ABCC11: variants seen among roughly 807,000 people sequenced by gnomAD.
ABCC11 encodes the protein ATP binding cassette subfamily C member 11, also known as ATP-binding cassette sub-family C member 11.
A neutral mutation model predicts 149.3 loss-of-function variants in ABCC11; 135 were observed. That is an observed-to-expected ratio of 0.90 (90% CI 0.79 to 1.04). The LOEUF is 1.04. Ranked by LOEUF, ABCC11 falls within the 50% of genes least tolerant of loss-of-function variation. The pLI is 0.00. For synonymous variants in ABCC11, 665 were observed against 671.4 expected (o/e 0.99, Z 0.15); for missense variants, 1,680 against 1,722.1 (o/e 0.98, Z 0.43).
At chr16:48,201,474 C>CTTTTTTTTTTTTTTTTTT (rs560323114) in intron 14 of ABCC11, among the ~76,000 whole-genome samples, 16 of 123,456 alleles carry the variant, frequency 1.3e-4, no homozygotes, top group African/African-American at 2.5e-4. Flanking sequence ...TTTTCTTTTT[C>CTTTTTTTTTTTTTTTTTT]TTTTTTTTTT....
At chr16:48,243,099 T>A (rs1220989743) in intron 1 of ABCC11, among the ~76,000 whole-genome samples, 1 of 147,200 alleles carries the variant, frequency 6.8e-6, no homozygotes, top group Non-Finnish European at 1.5e-5. Context: ...AGTATCAAGG[T>A]TGTAAAAAAA....
rs530383890 is a variant in ABCC11 at position 48,230,439 on chromosome 16, C to T, written c.234G>A (p.Pro78=). ...CCACCACCCCCATCAGGACTCACCT[C>T]GGCTTGGGACGGAAGGGAATCATGG... ...LRTMIPFRPK[P]RFPAPQPLDN... is the part of the protein sequence containing the mutation. The change falls in exon 3 of 30, where the codon CCG becomes CCA. Residue 78 remains proline, a splice_region_variant and synonymous_variant. Transcript: ENST00000356608. 1.7e-4 allele frequency: 265 copies of T among 1,603,590 alleles called. No individual in the cohort carries two copies. Among genetic ancestry groups the T allele is most frequent in the Non-Finnish European group, 2.2e-4 (256 of 1,175,262 alleles).
chr16:48,211,047 A>C lies in ABCC11; in HGVS notation c.1509T>G (p.Ala503=). 6.2e-7 allele frequency: 1 copy of C among 1,614,182 alleles called. No homozygotes were observed. Among genetic ancestry groups the C allele is most frequent in the Non-Finnish European group, 8.5e-7 (1 of 1,180,028 alleles). Reference sequence around the variant, plus strand: ...CTCTAGGCCTGGTCATCCCCTCAGAAGCATGCCCGTTCCTCTCCAGCTCCA... The same window carrying C: ...CTCTAGGCCTGGTCATCCCCTCAGACGCATGCCCGTTCCTCTCCAGCTCCA... The part of the protein sequence containing the change: ...GALELERNGH[A]SEGMTRPRDA... Residue 503 remains alanine (A), a synonymous_variant, in exon 11 of 30, where the codon GCT becomes GCG. Transcript: ENST00000356608.
chr16:48,184,693 A>G, intron 22 of ABCC11, 67 bp from the exon 23 acceptor site: 1 of 1,506,998 alleles, frequency 6.6e-7, no homozygotes. Context: ...GGGTCAGGGT[A>G]GATACCGGCT....
In ABCC11 at chr16:48,184,573, G is replaced by A. The variant is rs780258264; in HGVS notation, c.3125C>T (p.Ser1042Phe). Residue 1042 changes from serine (S) to phenylalanine (F), a missense_variant, in exon 23 of 30, where the codon TCC becomes TTC. By Grantham distance (155) the Ser-to-Phe change is radical. Coordinates refer to ENST00000356608, the MANE Select transcript of ABCC11 (RefSeq NM_001370497.1). ...QNNYLLLFLS[S>F]TRWMALRLEI... The stretch of plus-strand genomic sequence containing the variant: ...CAGCCTCAATGCCATCCATCGTGTG[G>A]AAGATAGAAACAACAGCAGGTAGTT... 1 of 1,614,252 alleles carries A rather than the reference G, an allele frequency of 6.2e-7. No individual in the cohort carries two copies. Among genetic ancestry groups the A allele is most frequent in the South Asian group, 1.1e-5 (1 of 91,082 alleles).
chr16:48,244,723 C>T (rs889322863), intron 1 of ABCC11: 2 of 796,188 alleles, frequency 2.5e-6, no homozygotes, highest in Non-Finnish European at 3.5e-6. Flanking sequence ...CAGTTCGGGG[C>T]GGCCTTCGCG....
At chr16:48,236,805 T>C (rs1238045905) in intron 1 of ABCC11, among the ~76,000 whole-genome samples, 1 of 152,208 alleles carries the variant, frequency 6.6e-6, no homozygotes, top group Non-Finnish European at 1.5e-5. Flanking sequence ...CACCACATCT[T>C]CTATAGAGCA....
chr16:48,210,783 C>T (rs530505375), intron 11 of ABCC11, 165 bp downstream of exon 11: 143 of 1,001,970 alleles, frequency 1.4e-4, no homozygotes, highest in Non-Finnish European at 1.9e-4. Context: ...AAAAAATGAA[C>T]GATATCCTGT....
In ABCC11 at chr16:48,211,150, T is replaced by A. The variant is rs1596782931; in HGVS notation, c.1406A>T (p.Asp469Val). 6.2e-7 allele frequency: 1 copy of A among 1,613,982 alleles called. No individual in the cohort carries two copies. The highest frequency in any genetic ancestry group is 8.5e-7 in the Non-Finnish European group (1 of 1,179,980). The part of the protein sequence containing the change: ...SPVFYVQTLQ[D>V]PSKALVFEEA... The stretch of plus-strand genomic sequence containing the variant: ...CTCAAAGACCAGAGCTTTGCTGGGG[T>A]CTTGTAATGTCTGGACATAGAAAAC... Residue 469 changes from aspartate (D) to valine (V), a missense_variant, in exon 11 of 30, where the codon GAC becomes GTC. Physicochemically the swap from Asp to Val is radical, Grantham distance 152. Coordinates refer to ENST00000356608, the MANE Select transcript of ABCC11 (RefSeq NM_001370497.1).
At chr16:48,187,123 C>A (rs529208406) in intron 21 of ABCC11, 33 bp from the exon 22 acceptor site, 18 of 1,613,944 alleles carry the variant, frequency 1.1e-5, no homozygotes, top group East Asian at 6.7e-5. Flanking sequence ...GGACCTGGAC[C>A]GTCCACCTCT....
At chr16:48,175,000 C>A (rs1273649486) in intron 26 of ABCC11, among the ~76,000 whole-genome samples, 1 of 152,198 alleles carries the variant, frequency 6.6e-6, no homozygotes, top group Non-Finnish European at 1.5e-5. Flanking sequence ...CCATGCCATC[C>A]AGTTTCTAAA....
chr16:48,178,776 C>A, intron 23 of ABCC11, 90 bp from the exon 24 acceptor site: 2 of 1,116,282 alleles, frequency 1.8e-6, no homozygotes, highest in Admixed American at 3.8e-5. Flanking sequence ...ATTGCCATTG[C>A]CCCTGAGTGA....
chr16:48,241,325 T>G (rs1202117752), intron 1 of ABCC11, among the ~76,000 whole-genome samples: 1 of 152,174 alleles, frequency 6.6e-6, no homozygotes, highest in African/African-American at 2.4e-5. Flanking sequence ...TTGAATGAAC[T>G]TCTACAAAAT....
rs1196687490 is a variant in ABCC11, at chr16:48,187,245, C to T, written c.2889G>A (p.Leu963=). 1.2e-6 allele frequency: 2 copies of T among 1,614,130 alleles called. No homozygotes were observed. The highest frequency in any genetic ancestry group is 1.1e-5 in the South Asian group (1 of 91,072). Residue 963 remains leucine (L), a synonymous_variant, in exon 21 of 30, where the codon CTG becomes CTA. Coordinates refer to ENST00000356608, the MANE Select transcript of ABCC11 (RefSeq NM_001370497.1). ...LIVSVLSPYI[L]LMGAIIMVIC... ...TAACCATGATTATGGCTCCCATTAA[C>T]AGGATATATGGAGACAGCACACTGA...
chr16:48,227,493 A>T (rs552709713), intron 4 of ABCC11, among the ~76,000 whole-genome samples: 1 of 149,430 alleles, frequency 6.7e-6, no homozygotes, highest in African/African-American at 2.5e-5. Context: ...AAAAAAAAAT[A>T]GTGATAAAAA....
intron 15 of ABCC11, among the ~76,000 whole-genome samples, chr16:48,199,911 A>G (rs531154471): frequency 4.5e-4 from 69 of 152,102 alleles, no homozygotes; most frequent in African/African-American, 1.6e-3. Flanking sequence ...CCTGGTCTCA[A>G]GCAGTCCTCC....
rs147959986 is a variant in ABCC11 at position 48,222,712 on chromosome 16, G to A, written c.663C>T (p.Ser221=). The change falls in exon 6 of 30, where the codon TCC becomes TCT. Residue 221 remains serine (S), a synonymous_variant. Coordinates refer to ENST00000356608, the MANE Select transcript of ABCC11 (RefSeq NM_001370497.1). Reference sequence around the variant, plus strand: ...TGCGTTGGTTGATGATCCAACTGGAGGAGAAACTCAGAGACTTCACACATT... The same window carrying A: ...TGCGTTGGTTGATGATCCAACTGGAAGAGAAACTCAGAGACTTCACACATT... ...LSECVKSLSF[S]SSWIINQRTA... The A allele has an allele frequency of 1.2e-6, 2 of 1,614,242 alleles. No individual in the cohort carries two copies. Among genetic ancestry groups the A allele is most frequent in the Non-Finnish European group, 8.5e-7 (1 of 1,180,050 alleles).
intron 3 of ABCC11, 121 bp downstream of exon 3, chr16:48,230,316 G>GCCGTAT: frequency 8.0e-7 from 1 of 1,247,756 alleles, no homozygotes; most frequent in Admixed American, 2.9e-5. Context: ...AGGCTGCTCT[G>GCCGTAT]AAGGGATTTG....
intron 1 of ABCC11, among the ~76,000 whole-genome samples, chr16:48,246,066 G>T (rs1190222152): frequency 1.3e-5 from 2 of 152,020 alleles, no homozygotes; most frequent in African/African-American, 4.8e-5. Context: ...TTTTTTAGGA[G>T]AATCCTTTGC....
Sources: gnomAD v4.1 joint callset for allele counts (sites outside exome capture counted in the v4.1 genomes callset) on GRCh38, gnomAD v4.1.1 for gene constraint, MANE v1.5 for transcripts, NCBI Gene and HGNC (gene_info 2026-07-23, HGNC 2026-07-21) for gene names.